The following XKR4 variants were observed in gnomAD, a reference collection of about 807,000 sequenced individuals.
XKR4 encodes the protein XK related 4.
A neutral mutation model predicts 53.9 loss-of-function variants in XKR4; 12 were observed. That is an observed-to-expected ratio of 0.22 (90% CI 0.14 to 0.36). The LOEUF is 0.36. Ranked by LOEUF, XKR4 falls within the 10% of genes least tolerant of loss-of-function variation. The pLI is 1.00. For synonymous variants in XKR4, 354 were observed against 362.4 expected, an observed-to-expected ratio of 0.98 and a Z score of 0.26; for missense variants, 799 against 859.5, an observed-to-expected ratio of 0.93 and a Z score of 0.88.
At position 55,302,235 on chromosome 8, in the gene XKR4, C is replaced by T. The variant is rs1423873980; in HGVS notation, c.807-55443C>T. 1.8e-3 allele frequency among the ~76,000 whole-genome samples: 274 copies of T among 152,204 alleles called. 2 individuals are homozygous for T. The highest frequency in any genetic ancestry group is 2.2e-3 in the Non-Finnish European group (149 of 68,040). On this transcript the variant is annotated intron_variant, in intron 1 of 2. Transcript: ENST00000327381. ...ATATGGCCAGCCAGTTTTCCCAGCA[C>T]CATTTATTAAATAGGGAATCCTTTC... is the stretch of plus-strand genomic sequence containing the variant.
chr8:55,138,559 G>A (rs1324630306), intron 1 of XKR4, among the ~76,000 whole-genome samples: 1 of 152,210 alleles, frequency 6.6e-6, no homozygotes. Context: ...TATTTCTAAA[G>A]CATGATGTCT....
At chr8:55,452,239 G>C in intron 2 of XKR4, 1 of 649,472 alleles carries the variant, frequency 1.5e-6, no homozygotes, top group Non-Finnish European at 2.8e-6. Context: ...CAGGAGCGCA[G>C]CTGCAGCCCG....
intron 1 of XKR4, among the ~76,000 whole-genome samples, chr8:55,159,472 C>T (rs1056894669): frequency 2.6e-5 from 4 of 152,068 alleles, no homozygotes; most frequent in South Asian, 2.1e-4. Flanking sequence ...ATGAGTATGA[C>T]GGGGTTGTAG....
chr8:55,406,909 A>T (rs1804692366), intron 2 of XKR4, among the ~76,000 whole-genome samples: 1 of 152,230 alleles, frequency 6.6e-6, no homozygotes, highest in Non-Finnish European at 1.5e-5. Flanking sequence ...AATCATTATT[A>T]GCTAACATAT....
At chr8:55,420,336 C>T (rs888993056) in intron 2 of XKR4, among the ~76,000 whole-genome samples, 3 of 151,996 alleles carry the variant, frequency 2.0e-5, no homozygotes, top group African/African-American at 7.3e-5. Context: ...CACATGCACA[C>T]GTATGTTTAT....
At chr8:55,336,196 GGGGC>G (rs1803458849) in intron 1 of XKR4, among the ~76,000 whole-genome samples, 2 of 152,098 alleles carry the variant, frequency 1.3e-5, no homozygotes, top group South Asian at 2.1e-4. Flanking sequence ...TTGAATTATG[GGGGC>G]GGGTCTTTTC....
At chr8:55,202,849 C>CT (rs1817593010) in intron 1 of XKR4, among the ~76,000 whole-genome samples, 1 of 152,198 alleles carries the variant, frequency 6.6e-6, no homozygotes, top group Non-Finnish European at 1.5e-5. Context: ...AAAGAGCAAC[C>CT]TTTAGACATG....
chr8:55,165,654 A>T (rs1405644875), intron 1 of XKR4, among the ~76,000 whole-genome samples: 2 of 151,818 alleles, frequency 1.3e-5, no homozygotes, highest in Non-Finnish European at 2.9e-5. Flanking sequence ...AAATACAAAA[A>T]ATTAGCTGGG....
At chr8:55,441,053 C>T (rs778018500) in intron 2 of XKR4, among the ~76,000 whole-genome samples, 40 of 125,372 alleles carry the variant, frequency 3.2e-4, no homozygotes, top group Non-Finnish European at 5.1e-4. Flanking sequence ...CACAATGACA[C>T]CTCATCTCTA....
intron 1 of XKR4, among the ~76,000 whole-genome samples, chr8:55,300,450 T>G (rs1395715820): frequency 6.6e-6 from 1 of 152,098 alleles, no homozygotes; most frequent in Non-Finnish European, 1.5e-5. Context: ...AGACAGGAGC[T>G]GAGGTGGAGT....
chr8:55,250,633 T>A (rs10086159), intron 1 of XKR4, among the ~76,000 whole-genome samples: 116,126 of 152,136 alleles, frequency 0.76, 47,536 homozygotes, highest in Non-Finnish European at 0.92. Flanking sequence ...CCTGAATTAA[T>A]AAGATATTTA....
At chr8:55,375,978 T>C (rs1349407658) in intron 2 of XKR4, among the ~76,000 whole-genome samples, 1 of 152,084 alleles carries the variant, frequency 6.6e-6, no homozygotes, top group Non-Finnish European at 1.5e-5. Context: ...GAACATGCGG[T>C]GTTTGGTTTT....
At chr8:55,458,177 A>G (rs1294407928) in intron 2 of XKR4, among the ~76,000 whole-genome samples, 1 of 152,258 alleles carries the variant, frequency 6.6e-6, no homozygotes, top group African/African-American at 2.4e-5. Flanking sequence ...AATAGCCTAA[A>G]CAGTTTTGAA....
intron 1 of XKR4, among the ~76,000 whole-genome samples, chr8:55,355,076 G>A (rs571885233): frequency 3.3e-5 from 5 of 151,850 alleles, no homozygotes; most frequent in African/African-American, 4.8e-5. Context: ...GCTAATTTTT[G>A]TATTTTTAGT....
At chr8:55,127,487 A>G (rs1816484957) in intron 1 of XKR4, among the ~76,000 whole-genome samples, 1 of 151,410 alleles carries the variant, frequency 6.6e-6, no homozygotes. Flanking sequence ...TCCTGAACTC[A>G]GGTAATCTGC....
At chr8:55,135,017 A>G (rs528024506) in intron 1 of XKR4, among the ~76,000 whole-genome samples, 72 of 152,296 alleles carry the variant, frequency 4.7e-4, no homozygotes, top group African/African-American at 1.6e-3. Context: ...CTGAATCAGT[A>G]GAGGTAGATA....
chr8:55,442,858 T>G (rs79996352), intron 2 of XKR4, among the ~76,000 whole-genome samples: 5,302 of 151,970 alleles, frequency 0.035, 125 homozygotes, highest in South Asian at 0.059. Context: ...AGAAATGTGG[T>G]TTTTTTTGCA....
At position 55,277,711 on chromosome 8, in the gene XKR4, A is replaced by G. The variant is rs117637541; in HGVS notation, c.807-79967A>G. Among the ~76,000 whole-genome samples the G allele has an allele frequency of 9.6e-3, 1,467 of 152,322 alleles. 19 individuals carry two copies. The highest frequency in any genetic ancestry group is 0.031 in the Middle Eastern group (9 of 294). On this transcript the variant is annotated intron_variant, in intron 1 of 2. Coordinates refer to ENST00000327381, the MANE Select transcript of XKR4 (RefSeq NM_052898.2). The stretch of plus-strand genomic sequence containing the variant: ...TCGATTTTTGAATGAGAGATGCTCA[A>G]CCTGTACTTACATACACATATCTCC...
At chr8:55,450,538 G>A (rs1381864896) in intron 2 of XKR4, 2 of 670,024 alleles carry the variant, frequency 3.0e-6, no homozygotes, top group African/African-American at 1.8e-5. Flanking sequence ...GGAAGGTCTA[G>A]AAACAGCGGG....
Sources: gnomAD v4.1 joint callset for allele counts (sites outside exome capture counted in the v4.1 genomes callset) on GRCh38, gnomAD v4.1.1 for gene constraint, MANE v1.5 for transcripts, NCBI Gene and HGNC (gene_info 2026-07-23, HGNC 2026-07-21) for gene names.